Variants in SNX3 observed in about 807,000 individuals in gnomAD.
The protein encoded by SNX3 is sorting nexin-3.
In SNX3, 5 loss-of-function variants were observed where a neutral mutation model predicts 17.7. The ratio of observed to expected loss-of-function variants is 0.28; its 90% CI spans 0.15 to 0.59. The LOEUF (loss-of-function observed/expected upper bound fraction) is 0.59, where lower values mean the gene tolerates loss of function less well. Among genes scored for constraint, SNX3 ranks in the 20% least tolerant of loss-of-function variants. The probability of loss-of-function intolerance (pLI) is 0.88; values close to 1 mark genes in which losing one functional copy is unlikely to be tolerated. For synonymous variants in SNX3, 91 were observed against 76.5 expected, an observed-to-expected ratio of 1.19 and a Z score of -0.99; for missense variants, 132 against 206.8, an observed-to-expected ratio of 0.64 and a Z score of 2.22.
intron 1 of SNX3, among the ~76,000 whole-genome samples, chr6:108,243,340 G>T (rs908549538): frequency 6.6e-6 from 1 of 151,934 alleles, no homozygotes; most frequent in African/African-American, 2.4e-5. Context: ...CATCTAACAA[G>T]ACTATCCTTC....
chr6:108,240,947 C>T (rs539407729), intron 1 of SNX3, among the ~76,000 whole-genome samples: 1 of 151,610 alleles, frequency 6.6e-6, no homozygotes, highest in East Asian at 2.0e-4. Flanking sequence ...TCGAGACCAC[C>T]CTGGCCAACA....
chr6:108,248,472 A>C (rs1261614274), intron 1 of SNX3, among the ~76,000 whole-genome samples: 1 of 152,244 alleles, frequency 6.6e-6, no homozygotes, highest in Non-Finnish European at 1.5e-5. Context: ...TCAATAAATC[A>C]ACTGACCCAC....
chr6:108,240,597 G>A (rs754794013), intron 1 of SNX3, among the ~76,000 whole-genome samples: 1 of 152,156 alleles, frequency 6.6e-6, no homozygotes, highest in African/African-American at 2.4e-5. Flanking sequence ...ACCAGGATGT[G>A]GCAAGCTGTG....
At chr6:108,212,344 ATTT>A (rs943800071) in intron 3 of SNX3, 90 bp from the exon 4 acceptor site, 10 of 713,632 alleles carry the variant, frequency 1.4e-5, no homozygotes, top group East Asian at 3.6e-5. Flanking sequence ...AGCATGTATA[ATTT>A]TTTTTTTTTT....
At chr6:108,220,040 A>AT in intron 2 of SNX3, among the ~76,000 whole-genome samples, 1 of 152,354 alleles carries the variant, frequency 6.6e-6, no homozygotes, top group South Asian at 2.1e-4. Context: ...AGCTTATAGA[A>AT]TAAGAATATA....
intron 1 of SNX3, among the ~76,000 whole-genome samples, chr6:108,227,512 A>T (rs1037926710): frequency 6.6e-6 from 1 of 152,174 alleles, no homozygotes; most frequent in African/African-American, 2.4e-5. Context: ...TCTAACAGAA[A>T]GGGGAGGGGT....
intron 1 of SNX3, among the ~76,000 whole-genome samples, chr6:108,244,756 C>G (rs1186857218): frequency 7.0e-6 from 1 of 142,598 alleles, no homozygotes; most frequent in Admixed American, 7.6e-5. Flanking sequence ...AATTCTGTCT[C>G]AGCTTTCCCA....
At chr6:108,253,916 G>A (rs950821275) in intron 1 of SNX3, among the ~76,000 whole-genome samples, 1 of 152,068 alleles carries the variant, frequency 6.6e-6, no homozygotes, top group African/African-American at 2.4e-5. Context: ...ACGAGGTCAG[G>A]AGATGGAGAC....
rs1774424499 is a variant in SNX3 at position 108,212,121 on chromosome 6, T to C, written c.*28A>G. The C allele has an allele frequency of 8.4e-7, 1 of 1,186,978 alleles. No individual in the cohort carries two copies. Among genetic ancestry groups the C allele is most frequent in the East Asian group, 2.4e-5 (1 of 42,532 alleles). 73.5% of individuals were successfully genotyped at this position (1,186,978 alleles called of 1,614,324 possible). ...ACTGGTGCTTATCAATCATTAATAG[T>C]CACGTTTTTGCCCCTTCTTGCCAAA... On this transcript the variant is annotated 3_prime_UTR_variant, in exon 4 of 4. Transcript: ENST00000230085.
Position 108,214,590 on chromosome 6 carries a change from A to C in SNX3, c.291T>G (p.Phe97Leu), listed in dbSNP as rs1562417333. ...VVVPPLPGKA[F>L]LRQLPFRGDD... ...CTCCTCTAAAAGGAAGCTGACGCAAAAACGCTTTCCCAGGGAGCGGGGGAA... is the reference window on the plus strand; with the variant it reads ...CTCCTCTAAAAGGAAGCTGACGCAACAACGCTTTCCCAGGGAGCGGGGGAA... The change falls in exon 3 of 4, where the codon TTT becomes TTG. Residue 97 changes from phenylalanine (F) to leucine (L), a missense_variant. Phe to Leu is a conservative substitution (Grantham distance 22). This residue lies in a region of SNX3 where 54 missense variants were observed against 118.0 expected (regional missense o/e 0.46). Transcript: ENST00000230085. 6.2e-7 allele frequency: 1 copy of C among 1,613,530 alleles called. No homozygotes were observed. Among genetic ancestry groups the C allele is most frequent in the South Asian group, 1.1e-5 (1 of 90,852 alleles).
chr6:108,222,216 C>T (rs1303603662), intron 2 of SNX3: 2 of 1,303,780 alleles, frequency 1.5e-6, no homozygotes, highest in Non-Finnish European at 2.0e-6. Context: ...CCTACCATAC[C>T]CACACCTTTT....
intron 1 of SNX3, among the ~76,000 whole-genome samples, chr6:108,237,768 G>C (rs144695081): frequency 0.018 from 2,741 of 150,072 alleles, 40 homozygotes; most frequent in Middle Eastern, 0.077. Context: ...CAGCCTGAGG[G>C]ACAAGAGTGA....
chr6:108,227,521 G>C (rs1054792028), intron 1 of SNX3, among the ~76,000 whole-genome samples: 1 of 152,184 alleles, frequency 6.6e-6, no homozygotes, highest in South Asian at 2.1e-4. Context: ...AAGGGGAGGG[G>C]TGAGGGGGAA....
At chr6:108,260,044 TTGA>T (rs757445645) in intron 1 of SNX3, among the ~76,000 whole-genome samples, 45 of 152,350 alleles carry the variant, frequency 3.0e-4, no homozygotes, top group Middle Eastern at 6.8e-3. Context: ...TTTATTTCTG[TTGA>T]TTTCTTTATT....
At position 108,214,146 on chromosome 6, in the gene SNX3, C is replaced by T. The variant is rs1189308323; in HGVS notation, c.383+352G>A. Among the ~76,000 whole-genome samples the T allele has an allele frequency of 5.3e-5, 8 of 152,232 alleles. No homozygotes were observed. The East Asian group carries it at 9.6e-4, about 18-fold the overall frequency. On this transcript the variant is annotated intron_variant, in intron 3 of 3. Transcript: ENST00000230085. ...CATCTGCAATCAAACAAGATGATTG[C>T]AAGTACATTGTAAGTTTTATTGTTC...
intron 2 of SNX3, among the ~76,000 whole-genome samples, chr6:108,220,585 A>G (rs1343842347): frequency 6.6e-6 from 1 of 152,294 alleles, no homozygotes; most frequent in East Asian, 1.9e-4. Flanking sequence ...TGATGTTTGC[A>G]CAAACAATGA....
intron 1 of SNX3, among the ~76,000 whole-genome samples, chr6:108,246,948 T>C (rs1026390579): frequency 6.6e-6 from 1 of 152,142 alleles, no homozygotes; most frequent in African/African-American, 2.4e-5. Flanking sequence ...CTTAGCTATA[T>C]CATAAAGCAT....
intron 1 of SNX3, among the ~76,000 whole-genome samples, chr6:108,243,723 GAGAGTTT>G (rs1391110310): frequency 3.9e-5 from 6 of 152,212 alleles, no homozygotes; most frequent in Admixed American, 2.0e-4. Flanking sequence ...ACCTGAGGTC[GAGAGTTT>G]GAGACCAGCC....
At chr6:108,259,467 G>A (rs1012976953) in intron 1 of SNX3, among the ~76,000 whole-genome samples, 6 of 151,878 alleles carry the variant, frequency 4.0e-5, no homozygotes, top group Admixed American at 6.6e-5. Context: ...TCCTGACCTC[G>A]GTGATCCGCC....
Sources: gnomAD v4.1 joint callset for allele counts (sites outside exome capture counted in the v4.1 genomes callset) on GRCh38, gnomAD v4.1.1 for gene constraint, gnomAD v4.1.1 regional missense constraint, MANE v1.5 for transcripts, NCBI Gene and HGNC (gene_info 2026-07-23, HGNC 2026-07-21) for gene names.